NEDD9: variants seen among roughly 807,000 people sequenced by gnomAD.
The protein encoded by NEDD9 is enhancer of filamentation 1.
A neutral mutation model predicts 76.6 loss-of-function variants in NEDD9; 26 were observed. That is an observed-to-expected ratio of 0.34 (90% CI 0.25 to 0.47). The LOEUF is 0.47. Among genes scored for constraint, NEDD9 ranks in the 20% least tolerant of loss-of-function variants. NEDD9 has a pLI of 1.00. For missense variants in NEDD9, 937 were observed against 1,058.5 expected, an observed-to-expected ratio of 0.89 and a Z score of 1.59; for synonymous variants, 392 against 414.2, an observed-to-expected ratio of 0.95 and a Z score of 0.65.
chr6:11,355,145 G>A (rs1410427582), intron 1 of NEDD9, among the ~76,000 whole-genome samples: 2 of 152,174 alleles, frequency 1.3e-5, no homozygotes, highest in African/African-American at 2.4e-5. Flanking sequence ...AATGCATATG[G>A]TATGGTGGGT....
chr6:11,275,565 C>CACACACAT (rs551632582), intron 3 of NEDD9, among the ~76,000 whole-genome samples: 6 of 150,184 alleles, frequency 4.0e-5, no homozygotes, highest in African/African-American at 1.5e-4. Flanking sequence ...CACACACACA[C>CACACACAT]ATATATATAT....
rs1400880463 is a variant in NEDD9, at chr6:11,232,499, C to T, written c.12+5G>A. On this transcript the variant is annotated splice_donor_5th_base_variant and intron_variant, in intron 1 of 6. Transcript: ENST00000379446. ...CAAGGTAACCTGTAAAAGGCACTCT[C>T]TTACCTTATACTTCATTTCGGCAGC... 5 of 1,614,244 alleles carry T rather than the reference C, an allele frequency of 3.1e-6. No individual in the cohort carries two copies. Among genetic ancestry groups the T allele is most frequent in the Non-Finnish European group, 4.2e-6 (5 of 1,180,044 alleles).
Position 11,204,459 on chromosome 6 carries a change from C to T in NEDD9, c.459+8822G>A, listed in dbSNP as rs576155740. Among the ~76,000 whole-genome samples the T allele has an allele frequency of 7.2e-5, 11 of 152,244 alleles. 1 individual carries two copies. Among genetic ancestry groups the T allele is most frequent in the African/African-American group, 2.2e-4 (9 of 41,542 alleles). On this transcript the variant is annotated intron_variant, in intron 2 of 6. Coordinates refer to ENST00000379446, the MANE Select transcript of NEDD9 (RefSeq NM_006403.4). ...GTCTTAGGCCAGGCGTGGTGGCTCACGCCTATAATCCCAGCACTTTGGGAG... is the reference window on the plus strand; with the variant it reads ...GTCTTAGGCCAGGCGTGGTGGCTCATGCCTATAATCCCAGCACTTTGGGAG...
chr6:11,319,755 TGCACACTAACATGCACACTCAC>T lies in NEDD9; in HGVS notation c.-152-13622_-152-13601del, dbSNP rs1399139237. The stretch of plus-strand genomic sequence containing the variant: ...ACTAACATGCACACACACACTAACA[TGCACACTAACATGCACACTCAC>T]GCACACTAACATGCACACTCACACA... On this transcript the variant is annotated intron_variant, in intron 2 of 3. Transcript: ENST00000397378. Among the ~76,000 whole-genome samples, 16 of 74,118 alleles carry T rather than the reference TGCACACTAACATGCACACTCAC, an allele frequency of 2.2e-4. No homozygotes were observed. The Admixed American group carries it at 2.4e-3, about 11-fold the overall frequency. 48.6% of individuals were successfully genotyped at this position (74,118 alleles called of 152,430 possible).
intron 2 of NEDD9, among the ~76,000 whole-genome samples, chr6:11,331,618 C>T (rs1762039653): frequency 6.6e-6 from 1 of 152,112 alleles, no homozygotes; most frequent in Non-Finnish European, 1.5e-5. Context: ...AAGCTAATCT[C>T]ATGAGATTAG....
chr6:11,191,727 C>T (rs1758149864), intron 4 of NEDD9, among the ~76,000 whole-genome samples: 2 of 152,204 alleles, frequency 1.3e-5, no homozygotes, highest in Non-Finnish European at 2.9e-5. Context: ...AAACCCTCTA[C>T]AGGCCAGGCG....
intron 1 of NEDD9, among the ~76,000 whole-genome samples, chr6:11,221,408 GA>G (rs1001944162): frequency 1.3e-5 from 2 of 150,764 alleles, no homozygotes; most frequent in Non-Finnish European, 3.0e-5. Context: ...AAAAGAAAAA[GA>G]AAAAAAGAAG....
At position 11,213,303 on chromosome 6, in the gene NEDD9, C is replaced by A. The variant is rs1758840180; in HGVS notation, c.437G>T (p.Ser146Ile). 6.2e-7 allele frequency: 1 copy of A among 1,606,710 alleles called. No individual in the cohort carries two copies. Among genetic ancestry groups the A allele is most frequent in the Non-Finnish European group, 8.5e-7 (1 of 1,174,140 alleles). Residue 146 changes from serine (S) to isoleucine (I), a missense_variant, in exon 2 of 7, where the codon AGT becomes ATT. Physicochemically the swap from Ser to Ile is moderately radical, Grantham distance 142. Transcript: ENST00000379446. This position sits in a 1 kb window ranked among gnomAD's most constrained non-coding sequence, Gnocchi z 5.4. The stretch of plus-strand genomic sequence containing the variant: ...CACCTTTTTACCCACGTGGGGCCCA[C>A]TGGTTCCCCCAATGCTTCTCTGCAC... ...PSVQRSIGGT[S>I]GPHVGKKVIT...
At chr6:11,210,766 G>GGAGGGAGA (rs1554125282) in intron 2 of NEDD9, among the ~76,000 whole-genome samples, 2 of 121,854 alleles carry the variant, frequency 1.6e-5, no homozygotes, top group Non-Finnish European at 3.2e-5. Flanking sequence ...AGGGATGGGG[G>GGAGGGAGA]GAGAGAGAGA....
intron 2 of NEDD9, chr6:11,200,951 C>T (rs767312849): frequency 4.2e-5 from 67 of 1,614,036 alleles, no homozygotes; most frequent in Admixed American, 8.3e-5. Context: ...TATTAAAATG[C>T]TCATCAGATG....
At chr6:11,245,468 C>T (rs536437018) in intron 3 of NEDD9, among the ~76,000 whole-genome samples, 1 of 152,256 alleles carries the variant, frequency 6.6e-6, no homozygotes, top group East Asian at 1.9e-4. Context: ...ACTTGTTAAT[C>T]CCTGCTGAGA....
intron 1 of NEDD9, among the ~76,000 whole-genome samples, chr6:11,217,175 C>A (rs1351565163): frequency 1.3e-5 from 2 of 152,170 alleles, no homozygotes; most frequent in Non-Finnish European, 2.9e-5. Flanking sequence ...ACCATAACAG[C>A]CAAATGAATT....
In NEDD9 at chr6:11,213,988, C is replaced by T. The variant is rs1438034476; in HGVS notation, c.13-261G>A. On this transcript the variant is annotated intron_variant, in intron 1 of 6. Transcript: ENST00000379446. The surrounding 1 kb of genome is among the most constrained non-coding windows in gnomAD (Gnocchi z 5.4). Reference sequence around the variant, plus strand: ...AGTTCTTTCCTCTAGCAGGATATGCCGTGCCAAGGAATTATGAGTAGCAGT... The same window carrying T: ...AGTTCTTTCCTCTAGCAGGATATGCTGTGCCAAGGAATTATGAGTAGCAGT... Among the ~76,000 whole-genome samples the T allele has an allele frequency of 2.0e-5, 3 of 152,206 alleles. No homozygotes were observed. Among genetic ancestry groups the T allele is most frequent in the East Asian group, 3.9e-4 (2 of 5,188 alleles).
At chr6:11,264,575 T>G (rs933543819) in intron 3 of NEDD9, among the ~76,000 whole-genome samples, 2 of 151,958 alleles carry the variant, frequency 1.3e-5, no homozygotes, top group Non-Finnish European at 2.9e-5. Flanking sequence ...TGAAAACCAA[T>G]CCAGCCAAAT....
intron 2 of NEDD9, among the ~76,000 whole-genome samples, chr6:11,306,851 A>G (rs1188092490): frequency 6.6e-6 from 1 of 152,214 alleles, no homozygotes; most frequent in Non-Finnish European, 1.5e-5. Flanking sequence ...TTTTTTGGGA[A>G]AAACATGGAC....
chr6:11,357,433 A>G (rs12661144), intron 1 of NEDD9, among the ~76,000 whole-genome samples: 45,627 of 151,980 alleles, frequency 0.3, 7,314 homozygotes, highest in African/African-American at 0.4. Context: ...CATGGCCACA[A>G]CCCAGATCTC....
chr6:11,274,677 AATTGCT>A (rs1326402397), intron 3 of NEDD9, among the ~76,000 whole-genome samples: 3 of 152,220 alleles, frequency 2.0e-5, no homozygotes, highest in Non-Finnish European at 2.9e-5. Flanking sequence ...GACCTGTTAG[AATTGCT>A]ATTACCAAAA....
intron 2 of NEDD9, among the ~76,000 whole-genome samples, chr6:11,318,554 G>C (rs554577723): frequency 5.7e-4 from 87 of 152,248 alleles, no homozygotes; most frequent in Non-Finnish European, 1.1e-3. Flanking sequence ...TAGAAACAAG[G>C]CTTCCTAGCT....
In NEDD9 at chr6:11,191,216, A is replaced by G. The variant is rs765296220; in HGVS notation, c.664-11T>C. 1 of 1,566,400 alleles carries G rather than the reference A, an allele frequency of 6.4e-7. No homozygotes were observed. The highest frequency in any genetic ancestry group is 1.2e-5 in the South Asian group (1 of 84,250). ...CGGAATGGCATATACCTGCAAAGCA[A>G]GTAGAAAGCGAAATGCTATTTATTG... On this transcript the variant is annotated splice_polypyrimidine_tract_variant and intron_variant, in intron 4 of 6. Transcript: ENST00000379446.
Sources: allele counts gnomAD v4.1 joint callset (sites outside exome capture counted in the v4.1 genomes callset), GRCh38; gene constraint gnomAD v4.1.1; non-coding constraint Gnocchi (gnomAD v3.1); transcripts MANE v1.5; gene names NCBI Gene and HGNC (gene_info 2026-07-23, HGNC 2026-07-21).